EVI2B: variants seen among roughly 807,000 people sequenced by gnomAD.
EVI2B encodes the protein ecotropic viral integration site 2B.
Under a neutral mutation model 6.6 loss-of-function variants are expected in EVI2B, and 4 were observed. That is an observed-to-expected ratio of 0.61 (90% CI 0.30 to 1.39). EVI2B has a LOEUF of 1.39. Among genes scored for constraint, EVI2B ranks in the 40% most tolerant of loss-of-function variants. The pLI is 0.08. For missense variants in EVI2B, 484 were observed against 516.6 expected (o/e 0.94, Z 0.61); for synonymous variants, 181 against 186.8 (o/e 0.97, Z 0.25).
Position 31,305,049 on chromosome 17 carries a change from A to G in EVI2B, c.561T>C (p.Asp187=), listed in dbSNP as rs760975277. The G allele has an allele frequency of 1.2e-5, 19 of 1,614,216 alleles. No individual in the cohort carries two copies. The South Asian group carries it at 2.1e-4, about 18-fold the overall frequency. Residue 187 remains aspartate (D), a synonymous_variant, in exon 2 of 2, where the codon GAT becomes GAC. Coordinates refer to ENST00000330927, the MANE Select transcript of EVI2B (RefSeq NM_006495.4). ...SPRSTPGFIL[D]TTSNKQTPQK... ...GTGGGGTTTGTTTGTTACTGGTAGT[A>G]TCTAAGATAAATCCTGGTGTACTCC... is the stretch of plus-strand genomic sequence containing the variant.
intron 1 of EVI2B, among the ~76,000 whole-genome samples, chr17:31,306,041 G>C (rs2068711959): frequency 6.6e-6 from 1 of 151,984 alleles, no homozygotes; most frequent in African/African-American, 2.4e-5. Context: ...TGATTCTCCT[G>C]CCTTGAAGAA....
intron 1 of EVI2B, chr17:31,308,063 A>G (rs2068770946): frequency 2.5e-6 from 1 of 394,122 alleles, no homozygotes; most frequent in Non-Finnish European, 4.7e-6. Flanking sequence ...ACACTGCTGA[A>G]TTAATCTTAA....
intron 1 of EVI2B, among the ~76,000 whole-genome samples, 152 bp downstream of exon 1, chr17:31,313,827 G>C (rs1260765894): frequency 2.0e-5 from 3 of 151,734 alleles, no homozygotes; most frequent in African/African-American, 7.3e-5. Context: ...AAGCTGAACT[G>C]AGTATTTTTT....
intron 1 of EVI2B, among the ~76,000 whole-genome samples, chr17:31,310,306 G>A (rs138200383): frequency 2.0e-4 from 30 of 151,982 alleles, no homozygotes; most frequent in African/African-American, 7.2e-4. Context: ...AAAAGAGGAA[G>A]GTCAATTGAC....
intron 1 of EVI2B, among the ~76,000 whole-genome samples, chr17:31,309,566 T>C (rs1224826346): frequency 6.6e-6 from 1 of 152,200 alleles, no homozygotes; most frequent in Non-Finnish European, 1.5e-5. Context: ...ATTTTAAAAA[T>C]CTGTTTTAAT....
At chr17:31,306,818 G>A (rs954999914) in intron 1 of EVI2B, among the ~76,000 whole-genome samples, 3 of 151,150 alleles carry the variant, frequency 2.0e-5, no homozygotes, top group Non-Finnish European at 4.4e-5. Context: ...AAAAAAGATA[G>A]TCACTGCCTT....
At chr17:31,310,229 G>A (rs1333936846) in intron 1 of EVI2B, among the ~76,000 whole-genome samples, 1 of 151,794 alleles carries the variant, frequency 6.6e-6, no homozygotes, top group Non-Finnish European at 1.5e-5. Context: ...TAATATAAAA[G>A]GCAATGCAAA....
At chr17:31,313,720 A>AATGTGTGTGTG (rs1491534857) in intron 1 of EVI2B, among the ~76,000 whole-genome samples, 1 of 101,186 alleles carries the variant, frequency 9.9e-6, no homozygotes, top group African/African-American at 3.8e-5. Context: ...AAAAAAAAAA[A>AATGTGTGTGTG]TATGTGTGTG....
rs1326271533 is a variant in EVI2B, at chr17:31,313,871, T to C, written c.-22+108A>G. The C allele has an allele frequency of 8.2e-5, 32 of 392,260 alleles. No individual in the cohort carries two copies. In the East Asian group the frequency reaches 1.0e-3, roughly 12 times the overall value. 24.3% of individuals were successfully genotyped at this position (392,260 alleles called of 1,614,324 possible). ...GCAACAAAACCACAAAAACCTGTTA[T>C]AGACATCTTTAGACTATCAGAGTTT... On this transcript the variant is annotated intron_variant, in intron 1 of 1. Transcript: ENST00000330927.
chr17:31,306,673 A>G (rs2068729667), intron 1 of EVI2B, among the ~76,000 whole-genome samples: 1 of 152,136 alleles, frequency 6.6e-6, no homozygotes, highest in African/African-American at 2.4e-5. Context: ...TTAAAATCCT[A>G]GAGTGATCTC....
chr17:31,313,292 A>G lies in EVI2B; in HGVS notation c.-22+687T>C, dbSNP rs554947740. Among the ~76,000 whole-genome samples the G allele has an allele frequency of 2.0e-5, 3 of 152,314 alleles. No homozygotes were observed. In the East Asian group the frequency reaches 5.8e-4, roughly 29 times the overall value. ...AAAAAGTACATTAGAACTTTTAACA[A>G]TTAATATTTTGGAGGTTATAAATTC... On this transcript the variant is annotated intron_variant, in intron 1 of 1. Coordinates refer to ENST00000330927, the MANE Select transcript of EVI2B (RefSeq NM_006495.4).
In EVI2B at chr17:31,304,232, G is replaced by A; in HGVS notation, c.*31C>T. 5 of 1,542,090 alleles carry A rather than the reference G, an allele frequency of 3.2e-6. No individual in the cohort carries two copies. The highest frequency in any genetic ancestry group is 4.4e-6 in the Non-Finnish European group (5 of 1,146,138). On this transcript the variant is annotated 3_prime_UTR_variant, in exon 2 of 2. Coordinates refer to ENST00000330927, the MANE Select transcript of EVI2B (RefSeq NM_006495.4). ...AAAGAAAAAAGAGTCATTTGAGGATGGAAGATCAGCTAAAAAGCAAGTTGT... is the reference window on the plus strand; with the variant it reads ...AAAGAAAAAAGAGTCATTTGAGGATAGAAGATCAGCTAAAAAGCAAGTTGT...
Position 31,304,151 on chromosome 17 carries a change from TC to T in EVI2B, c.*111del. On this transcript the variant is annotated 3_prime_UTR_variant, in exon 2 of 2. Coordinates refer to ENST00000330927, the MANE Select transcript of EVI2B (RefSeq NM_006495.4). ...AGGCTCTGAGCAGATTTCAGATAGT[TC>T]CTGAATAAAAATCAAAATTGACTAT... 1 of 1,108,122 alleles carries T rather than the reference TC, an allele frequency of 9.0e-7. No homozygotes were observed. The allele number at this position is 1,108,122 out of a possible 1,614,324, so 68.6% of individuals were successfully genotyped here. A position where few individuals can be genotyped will look rare whatever the true frequency, so the allele number is the denominator to read the frequency against.
chr17:31,305,273 C>T lies in EVI2B; in HGVS notation c.337G>A (p.Ala113Thr). 2 of 1,614,016 alleles carry T rather than the reference C, an allele frequency of 1.2e-6. No homozygotes were observed. Residue 113 changes from alanine to threonine, a missense_variant, in exon 2 of 2, where the codon GCC (alanine) becomes ACC (threonine). Ala to Thr is a moderately conservative substitution (Grantham distance 58). Coordinates refer to ENST00000330927, the MANE Select transcript of EVI2B (RefSeq NM_006495.4). ...ACGGCTTGCTGGGAGGAGGTGTTGG[C>T]TATTGGTGTTGGTTGTTTGGTGTTG... ...AYNTKQPTPIANTSSQQAVFT... is the reference protein window; with the variant it reads ...AYNTKQPTPITNTSSQQAVFT...
In EVI2B at chr17:31,303,883, C is replaced by T. The variant is rs2068635180; in HGVS notation, c.*380G>A. On this transcript the variant is annotated 3_prime_UTR_variant, in exon 2 of 2. Coordinates refer to ENST00000330927, the MANE Select transcript of EVI2B (RefSeq NM_006495.4). Reference sequence around the variant, plus strand: ...CATATACTTAGTCTCTTATTCCTCTCCACCCTGGTCTTTGAAATGGAAACA... The same window carrying T: ...CATATACTTAGTCTCTTATTCCTCTTCACCCTGGTCTTTGAAATGGAAACA... 1 of 158,758 alleles carries T rather than the reference C, an allele frequency of 6.3e-6. No individual in the cohort carries two copies. Among genetic ancestry groups the T allele is most frequent in the Non-Finnish European group, 1.4e-5 (1 of 72,232 alleles). The allele number at this position is 158,758 out of a possible 1,614,324, so 9.8% of individuals were successfully genotyped here. A position where few individuals can be genotyped will look rare whatever the true frequency, so the allele number is the denominator to read the frequency against.
chr17:31,310,013 A>T (rs925362037), intron 1 of EVI2B, among the ~76,000 whole-genome samples: 1 of 152,188 alleles, frequency 6.6e-6, no homozygotes, highest in Non-Finnish European at 1.5e-5. Context: ...GAGAAGAAAG[A>T]TTTAAAAGAG....
intron 1 of EVI2B, among the ~76,000 whole-genome samples, chr17:31,313,498 G>A (rs1036091620): frequency 1.3e-5 from 2 of 152,076 alleles, no homozygotes; most frequent in African/African-American, 4.8e-5. Context: ...AAGGTCAGGA[G>A]TAGGAGACCA....
In EVI2B at chr17:31,305,602, G is replaced by T; in HGVS notation, c.8C>A (p.Pro3His). Residue 3 changes from proline (P) to histidine (H), a missense_variant, in exon 2 of 2, where the codon CCC (proline) becomes CAC (histidine). By Grantham distance (77) the Pro-to-His change is moderately conservative. Transcript: ENST00000330927. MDPKYFILILFCG... is the reference protein window; with the variant it reads MDHKYFILILFCG... The stretch of plus-strand genomic sequence containing the variant: ...AAACAAAATTAAGATGAAATATTTG[G>T]GATCCATTTCAGAATATTTCCTCGT... The T allele has an allele frequency of 1.2e-6, 2 of 1,611,606 alleles. No homozygotes were observed. The highest frequency in any genetic ancestry group is 1.7e-6 in the Non-Finnish European group (2 of 1,178,592).
chr17:31,307,358 CAGG>C (rs1437143798), intron 1 of EVI2B, among the ~76,000 whole-genome samples: 1 of 152,130 alleles, frequency 6.6e-6, no homozygotes, highest in African/African-American at 2.4e-5. Context: ...TAAAAGTATG[CAGG>C]AGATGTACAG....
Sources: gnomAD v4.1 joint callset for allele counts (sites outside exome capture counted in the v4.1 genomes callset) on GRCh38, gnomAD v4.1.1 for gene constraint, MANE v1.5 for transcripts, NCBI Gene and HGNC (gene_info 2026-07-23, HGNC 2026-07-21) for gene names.